The following NFAT5 variants were observed in gnomAD, a reference collection of about 807,000 sequenced individuals.
NFAT5 encodes nuclear factor of activated T-cells 5.
In NFAT5, 31 loss-of-function variants were observed where a neutral mutation model predicts 166.5. The observed-to-expected ratio is 0.19, with a 90% CI of 0.14 to 0.25. The LOEUF (loss-of-function observed/expected upper bound fraction) is 0.25. Ranked by LOEUF, NFAT5 falls within the 10% of genes least tolerant of loss-of-function variation. The pLI, the probability that NFAT5 is intolerant of heterozygous loss-of-function variation, is 1.00. For missense variants in NFAT5, 1,449 were observed against 1,821.8 expected (o/e 0.80, Z 3.72); for synonymous variants, 612 against 639.7 (o/e 0.96, Z 0.65).
At chr16:69,615,935 C>T (rs568118538) in intron 2 of NFAT5, among the ~76,000 whole-genome samples, 54 of 152,208 alleles carry the variant, frequency 3.5e-4, no homozygotes, top group African/African-American at 1.3e-3. Flanking sequence ...GAATACCCTC[C>T]AGTCTACTTG....
intron 9 of NFAT5, among the ~76,000 whole-genome samples, chr16:69,675,128 A>G (rs1311686470): frequency 6.6e-6 from 1 of 152,232 alleles, no homozygotes; most frequent in African/African-American, 2.4e-5. Context: ...AAATAGGTTC[A>G]TTTGGTTTTT....
At chr16:69,594,280 A>C (rs1257933502) in intron 2 of NFAT5, among the ~76,000 whole-genome samples, 1 of 152,232 alleles carries the variant, frequency 6.6e-6, no homozygotes, top group Non-Finnish European at 1.5e-5. Context: ...TCTGTACGAC[A>C]TGTTACTGAA....
chr16:69,662,414 A>G (rs2036183332), intron 7 of NFAT5, among the ~76,000 whole-genome samples: 1 of 151,488 alleles, frequency 6.6e-6, no homozygotes, highest in Non-Finnish European at 1.5e-5. Flanking sequence ...ATGAAGTGGT[A>G]AGATTTGAGG....
At chr16:69,589,340 A>G (rs1418519624) in intron 2 of NFAT5, among the ~76,000 whole-genome samples, 1 of 152,146 alleles carries the variant, frequency 6.6e-6, no homozygotes, top group Non-Finnish European at 1.5e-5. Context: ...CTTGTCTATC[A>G]GTTGGATGTT....
At chr16:69,690,350 A>G (rs1424000712) in intron 11 of NFAT5, among the ~76,000 whole-genome samples, 1 of 152,190 alleles carries the variant, frequency 6.6e-6, no homozygotes, top group Non-Finnish European at 1.5e-5. Context: ...AGTCCAGTCT[A>G]AAAGAGAATT....
chr16:69,667,269 A>G (rs1465579655), intron 7 of NFAT5, among the ~76,000 whole-genome samples: 11 of 151,882 alleles, frequency 7.2e-5, no homozygotes, highest in Non-Finnish European at 1.5e-4. Flanking sequence ...ACATGTATAC[A>G]TATGTAACTA....
rs1164081712 is a variant in NFAT5 at position 69,566,424 on chromosome 16, CAG to C, written c.73+51_73+52del. On this transcript the variant is annotated intron_variant, in intron 1 of 14. Coordinates refer to ENST00000349945, the MANE Select transcript of NFAT5 (RefSeq NM_138713.4). The surrounding 1 kb of genome is among the most constrained non-coding windows in gnomAD (Gnocchi z 5.7). ...GCGTGGGGGCGGGGAGACAGGGAGACAGGGAGACAGGGCCAGGGGAGGCGAGG... is the reference window on the plus strand; with the variant it reads ...GCGTGGGGGCGGGGAGACAGGGAGACGGAGACAGGGCCAGGGGAGGCGAGG... 4 of 1,373,764 alleles carry C rather than the reference CAG, an allele frequency of 2.9e-6. No homozygotes were observed. In the African/African-American group the frequency reaches 4.2e-5, roughly 15 times the overall value. The allele number at this position is 1,373,764 out of a possible 1,614,324, so 85.1% of individuals were successfully genotyped here. A position where few individuals can be genotyped will look rare whatever the true frequency, so the allele number is the denominator to read the frequency against.
At chr16:69,627,099 G>A (rs1004469786) in intron 3 of NFAT5, among the ~76,000 whole-genome samples, 1 of 151,608 alleles carries the variant, frequency 6.6e-6, no homozygotes, top group African/African-American at 2.4e-5. Context: ...AGAAAGTAAT[G>A]TTTGAAATTT....
At chr16:69,667,000 T>G (rs1238534667) in intron 7 of NFAT5, among the ~76,000 whole-genome samples, 5 of 151,492 alleles carry the variant, frequency 3.3e-5, no homozygotes, top group Admixed American at 6.6e-5. Context: ...CCATAAAAAA[T>G]GATGAGTTCA....
chr16:69,643,217 CAAA>C (rs34260614), intron 3 of NFAT5, among the ~76,000 whole-genome samples: 10 of 88,846 alleles, frequency 1.1e-4, no homozygotes, highest in Admixed American at 2.3e-4. Flanking sequence ...GAGTCCCTCT[CAAA>C]AAAAAAAAAA....
intron 2 of NFAT5, among the ~76,000 whole-genome samples, chr16:69,610,459 C>T (rs1475283757): frequency 6.6e-6 from 1 of 152,038 alleles, no homozygotes; most frequent in East Asian, 1.9e-4. Flanking sequence ...CTTATTCATT[C>T]ATTTGTTTAT....
chr16:69,622,011 C>G (rs1471275984), intron 2 of NFAT5, among the ~76,000 whole-genome samples: 1 of 152,070 alleles, frequency 6.6e-6, no homozygotes. Context: ...TGCTCTTATT[C>G]AGGATTTCTT....
intron 2 of NFAT5, among the ~76,000 whole-genome samples, chr16:69,573,528 A>G (rs886925773): frequency 1.3e-5 from 2 of 152,178 alleles, no homozygotes; most frequent in African/African-American, 4.8e-5. Context: ...ATCCATGTCT[A>G]GTAAACTAAA....
chr16:69,658,802 G>C (rs1018346389), intron 6 of NFAT5, among the ~76,000 whole-genome samples: 1 of 152,144 alleles, frequency 6.6e-6, no homozygotes, highest in Admixed American at 6.5e-5. Context: ...GCTCAGGCCT[G>C]GGTGACAGAG....
chr16:69,569,829 G>A (rs1362263478), intron 2 of NFAT5, among the ~76,000 whole-genome samples: 1 of 152,146 alleles, frequency 6.6e-6, no homozygotes, highest in African/African-American at 2.4e-5. Context: ...GAAGCCCATA[G>A]ATATACATTA....
chr16:69,577,531 A>G (rs1229452408), intron 2 of NFAT5, among the ~76,000 whole-genome samples: 1 of 152,192 alleles, frequency 6.6e-6, no homozygotes, highest in East Asian at 1.9e-4. Context: ...CTTGAACGAC[A>G]ACAAAAAGGT....
rs114125516 is a variant in NFAT5, at chr16:69,595,886, A to G, written c.127+27338A>G. Among the ~76,000 whole-genome samples the G allele has an allele frequency of 8.7e-3, 1,326 of 152,276 alleles. 18 individuals are homozygous for G. The highest frequency in any genetic ancestry group is 0.03 in the African/African-American group (1,265 of 41,534). On this transcript the variant is annotated intron_variant, in intron 2 of 14. Coordinates refer to ENST00000349945, the MANE Select transcript of NFAT5 (RefSeq NM_138713.4). ...TAATCCATATGGTTACTAAGTGACT[A>G]AAGGGTAGATAGTGTGTATAGCATG...
intron 3 of NFAT5, among the ~76,000 whole-genome samples, chr16:69,640,293 T>G (rs2035147177): frequency 6.6e-6 from 1 of 152,216 alleles, no homozygotes; most frequent in Non-Finnish European, 1.5e-5. Flanking sequence ...TAAGTCCTTC[T>G]TTCTTTCTCT....
At chr16:69,677,468 A>G (rs1567599621) in intron 10 of NFAT5, 133 bp downstream of exon 10, 2 of 694,196 alleles carry the variant, frequency 2.9e-6, no homozygotes, top group Non-Finnish European at 4.5e-6. Flanking sequence ...TCTTTTGGAA[A>G]TGACATTATT....
Sources: gnomAD v4.1 joint callset for allele counts (sites outside exome capture counted in the v4.1 genomes callset) on GRCh38, gnomAD v4.1.1 for gene constraint, Gnocchi (gnomAD v3.1) non-coding constraint, MANE v1.5 for transcripts, NCBI Gene and HGNC (gene_info 2026-07-23, HGNC 2026-07-21) for gene names.